The following SLC38A2 variants were observed in gnomAD, a reference collection of about 807,000 sequenced individuals.
SLC38A2 encodes the protein sodium-coupled neutral amino acid symporter 2.
In SLC38A2, 11 loss-of-function variants were observed where a neutral mutation model predicts 61.5. That is an observed-to-expected ratio of 0.18 (90% CI 0.11 to 0.30). SLC38A2 has a LOEUF of 0.30. SLC38A2 is among the 10% of genes least tolerant of loss of function. SLC38A2 has a pLI of 1.00. For missense variants in SLC38A2, 522 were observed against 600.4 expected (o/e 0.87, Z 1.36); for synonymous variants, 217 against 212.5 (o/e 1.02, Z -0.18).
Position 46,363,122 on chromosome 12 carries a change from G to A in SLC38A2, c.1078C>T (p.His360Tyr). ...FYEHVESELLHTYSSILGTDI... is the reference protein window; with the variant it reads ...FYEHVESELLYTYSSILGTDI... ...GTTCCCAAGATAGAAGAGTAGGTAT[G>A]AAGCAATTCTGACTCAACATGTTCT... is the stretch of plus-strand genomic sequence containing the variant. The change falls in exon 13 of 16, where the codon CAT becomes TAT. Residue 360 changes from histidine (H) to tyrosine (Y), a missense_variant. Transcript: ENST00000256689. 6.2e-7 allele frequency: 1 copy of A among 1,612,752 alleles called. No individual in the cohort carries two copies. Among genetic ancestry groups the A allele is most frequent in the South Asian group, 1.1e-5 (1 of 91,022 alleles).
At chr12:46,370,249 T>G (rs1324426731) in intron 4 of SLC38A2, among the ~76,000 whole-genome samples, 1 of 152,232 alleles carries the variant, frequency 6.6e-6, no homozygotes, top group Non-Finnish European at 1.5e-5. Context: ...ACAATTTTGT[T>G]TTAACTATTC....
At chr12:46,370,058 T>C (rs563222509) in intron 4 of SLC38A2, among the ~76,000 whole-genome samples, 1 of 152,304 alleles carries the variant, frequency 6.6e-6, no homozygotes, top group African/African-American at 2.4e-5. Context: ...CCACCACACC[T>C]TGTATGTTTA....
At chr12:46,363,682 T>TTTTTG (rs2120534933) in intron 12 of SLC38A2, 44 bp downstream of exon 12, 1 of 1,307,738 alleles carries the variant, frequency 7.6e-7, no homozygotes, top group East Asian at 2.4e-5. Context: ...ATAAGCGTTT[T>TTTTTG]TTTTTGTTTT....
At chr12:46,362,910 A>G (rs1255713250) in intron 13 of SLC38A2, 111 bp downstream of exon 13, 1 of 1,379,082 alleles carries the variant, frequency 7.3e-7, no homozygotes, top group Non-Finnish European at 9.9e-7. Flanking sequence ...ACCACCACCA[A>G]CTTAGTATTG....
rs753794891 is a variant in SLC38A2, at chr12:46,364,391, G to T, written c.871C>A (p.Gln291Lys). The T allele has an allele frequency of 6.3e-7, 1 of 1,577,198 alleles. No individual in the cohort carries two copies. The highest frequency in any genetic ancestry group is 1.4e-5 in the African/African-American group (1 of 72,514). Residue 291 changes from glutamine (Q) to lysine (K), a missense_variant and splice_region_variant, in exon 10 of 16, where the codon CAG becomes AAG. By Grantham distance (53) the Gln-to-Lys change is moderately conservative. Around this residue, in one of 3 missense-constraint regions of SLC38A2, gnomAD observed 309 missense variants for 343.9 expected, o/e 0.90. Transcript: ENST00000256689. ...CRPHYFIFNS[Q>K]TVYAVPILIF... The stretch of plus-strand genomic sequence containing the variant: ...AGAAAATAAGCATATTTAGTTACCT[G>T]TGAGTTGAAAATAAAATAGTGAGGT...
intron 2 of SLC38A2, 151 bp downstream of exon 2, chr12:46,371,027 A>G (rs1943190962): frequency 1.2e-6 from 1 of 839,250 alleles, no homozygotes; most frequent in Non-Finnish European, 2.0e-6. Context: ...CTATCTTGTC[A>G]TTACAACAAG....
At chr12:46,370,967 C>A in intron 2 of SLC38A2, 110 bp from the exon 3 acceptor site, 1 of 883,668 alleles carries the variant, frequency 1.1e-6, no homozygotes, top group Non-Finnish European at 1.8e-6. Flanking sequence ...TCTGATACAA[C>A]ATCTTTACTT....
At chr12:46,367,402 C>A in intron 4 of SLC38A2, 62 bp from the exon 5 acceptor site, 1 of 895,920 alleles carries the variant, frequency 1.1e-6, no homozygotes, top group Non-Finnish European at 1.8e-6. Flanking sequence ...AAAGACAACT[C>A]TTTCTGGATG....
Position 46,363,996 on chromosome 12 carries a change from T to C in SLC38A2, c.881A>G (p.Tyr294Cys), listed in dbSNP as rs1555199517. Residue 294 changes from tyrosine to cysteine, a missense_variant, in exon 11 of 16, where the codon TAT (tyrosine) becomes TGT (cysteine). Around this residue, in one of 3 missense-constraint regions of SLC38A2, gnomAD observed 309 missense variants for 343.9 expected, o/e 0.90. Transcript: ENST00000256689. Reference protein sequence around the residue: ...HYFIFNSQTVYAVPILIFSFV... With the variant: ...HYFIFNSQTVCAVPILIFSFV... The stretch of plus-strand genomic sequence containing the variant: ...TGAAAAGATCAGAATTGGCACAGCA[T>C]AGACAGTCTGAAAGAAAACGTAAAA... 3.7e-6 allele frequency: 6 copies of C among 1,608,068 alleles called. No individual in the cohort carries two copies. Among genetic ancestry groups the C allele is most frequent in the South Asian group, 3.3e-5 (3 of 89,768 alleles).
intron 7 of SLC38A2, 62 bp downstream of exon 7, chr12:46,366,778 TCATTTTGTATACAACTTTGATAAA>T: frequency 7.9e-7 from 1 of 1,260,782 alleles, no homozygotes; most frequent in Non-Finnish European, 1.1e-6. Flanking sequence ...AATTAACTAA[TCATTTTGTATACAACTTTGATAAA>T]AATGTATCTA....
Position 46,367,035 on chromosome 12 carries a change from A to T in SLC38A2, c.481+41T>A, listed in dbSNP as rs751504428. On this transcript the variant is annotated intron_variant, in intron 6 of 15. Coordinates refer to ENST00000256689, the MANE Select transcript of SLC38A2 (RefSeq NM_018976.5). ...TGTCACCATTCTGTGCTCCACAATG[A>T]GCATAAAGTCTACCCAAATAATCTT... 2.5e-6 allele frequency: 4 copies of T among 1,606,040 alleles called. No homozygotes were observed. The African/African-American group carries it at 5.4e-5, about 21-fold the overall frequency.
intron 15 of SLC38A2, among the ~76,000 whole-genome samples, chr12:46,361,488 C>T (rs545286040): frequency 6.6e-6 from 1 of 152,164 alleles, no homozygotes; most frequent in East Asian, 1.9e-4. Context: ...TCATATAGAA[C>T]TGGACTGGAT....
In SLC38A2 at chr12:46,370,874, C is replaced by T. The variant is rs1293481272; in HGVS notation, c.117-17G>A. ...GCATAATGGCTGCAAAAAATATAGA[C>T]ATATATAATTGTAAACTGGATTGAA... is the stretch of plus-strand genomic sequence containing the variant. On this transcript the variant is annotated splice_polypyrimidine_tract_variant and intron_variant, in intron 2 of 15. Transcript: ENST00000256689. The T allele has an allele frequency of 6.3e-7, 1 of 1,577,126 alleles. No individual in the cohort carries two copies. Among genetic ancestry groups the T allele is most frequent in the South Asian group, 1.2e-5 (1 of 86,884 alleles).
chr12:46,371,044 G>A (rs1342963613), intron 2 of SLC38A2, 134 bp downstream of exon 2: 14 of 879,968 alleles, frequency 1.6e-5, no homozygotes, highest in South Asian at 4.3e-5. Context: ...CAAGATAATC[G>A]GATACTCTTT....
chr12:46,366,927 A>G lies in SLC38A2; in HGVS notation c.500T>C (p.Phe167Ser), dbSNP rs1565828887. Residue 167 changes from phenylalanine (F) to serine (S), a missense_variant, in exon 7 of 16, where the codon TTC becomes TCC. By Grantham distance (155) the Phe-to-Ser change is radical. Coordinates refer to ENST00000256689, the MANE Select transcript of SLC38A2 (RefSeq NM_018976.5). ...CAAAGGCAACTCATATTTCACTATG[A>G]AGAGGTAGCTTGACATAGCTGGAGG... Reference protein sequence around the residue: ...QNIGAMSSYLFIVKYELPLVI... With the variant: ...QNIGAMSSYLSIVKYELPLVI... 6.2e-7 allele frequency: 1 copy of G among 1,613,838 alleles called. No individual in the cohort carries two copies. The highest frequency in any genetic ancestry group is 1.7e-5 in the Admixed American group (1 of 59,960).
Position 46,360,932 on chromosome 12 carries a change from G to A in SLC38A2, c.*179C>T, listed in dbSNP as rs1166572354. On this transcript the variant is annotated 3_prime_UTR_variant, in exon 16 of 16. Coordinates refer to ENST00000256689, the MANE Select transcript of SLC38A2 (RefSeq NM_018976.5). ...ATATCCATTTCTAACATACAGATAAGTTTCTTAAAAAAACAAAACAAAACA... is the reference window on the plus strand; with the variant it reads ...ATATCCATTTCTAACATACAGATAAATTTCTTAAAAAAACAAAACAAAACA... 3.6e-6 allele frequency: 2 copies of A among 562,514 alleles called. No homozygotes were observed. Among genetic ancestry groups the A allele is most frequent in the Non-Finnish European group, 6.2e-6 (2 of 320,664 alleles). 34.8% of individuals were successfully genotyped at this position (562,514 alleles called of 1,614,324 possible).
At position 46,371,215 on chromosome 12, in the gene SLC38A2, T is replaced by TG. The variant is rs1277523886; in HGVS notation, c.78dup (p.Asn27GlnfsTer21). On this transcript the variant is annotated frameshift_variant, in exon 2 of 16. Transcript: ENST00000256689. LOFTEE classifies it high-confidence loss of function. The stretch of plus-strand genomic sequence containing the variant: ...GCTTGCTTGGTGGGGTAGGAGTAGT[T>TG]GAAGTCGCTGTTGGAACTGTAGCTG... 1.2e-6 allele frequency: 2 copies of TG among 1,614,252 alleles called. No homozygotes were observed.
intron 7 of SLC38A2, 23 bp from the exon 8 acceptor site, chr12:46,365,212 CA>C: frequency 1.9e-6 from 3 of 1,574,586 alleles, no homozygotes; most frequent in Non-Finnish European, 2.6e-6. Flanking sequence ...GAAACAAGGT[CA>C]AAACAGTCAC....
In SLC38A2 at chr12:46,358,604, T is replaced by C. The variant is rs1943047255; in HGVS notation, c.*2507A>G. ...TGTACAGGTACTTTTGGGACAATTC[T>C]TATAGTTACATAATGTGAATTCATC... On this transcript the variant is annotated 3_prime_UTR_variant, in exon 16 of 16. Coordinates refer to ENST00000256689, the MANE Select transcript of SLC38A2 (RefSeq NM_018976.5). The C allele has an allele frequency of 6.6e-6, 1 of 152,528 alleles. No homozygotes were observed. The highest frequency in any genetic ancestry group is 6.5e-5 in the Admixed American group (1 of 15,280). 9.4% of individuals were successfully genotyped at this position (152,528 alleles called of 1,614,324 possible).
Sources: gnomAD v4.1 joint callset for allele counts (sites outside exome capture counted in the v4.1 genomes callset) on GRCh38, gnomAD v4.1.1 for gene constraint, gnomAD v4.1.1 regional missense constraint, MANE v1.5 for transcripts, NCBI Gene and HGNC (gene_info 2026-07-23, HGNC 2026-07-21) for gene names.